The following EPB41L4B variants were observed in gnomAD, a reference collection of about 807,000 sequenced individuals.
The protein encoded by EPB41L4B is band 4.1-like protein 4B.
A neutral mutation model predicts 112.5 loss-of-function variants in EPB41L4B; 30 were observed. The observed-to-expected ratio is 0.27, with a 90% CI of 0.20 to 0.36. The LOEUF is 0.36. Among genes scored for constraint, EPB41L4B ranks in the 10% least tolerant of loss-of-function variants. The probability of loss-of-function intolerance (pLI) is 1.00; values close to 1 mark genes in which losing one functional copy is unlikely to be tolerated. For synonymous variants in EPB41L4B, 408 were observed against 439.7 expected, an observed-to-expected ratio of 0.93 and a Z score of 0.90; for missense variants, 1,024 against 1,133.3, an observed-to-expected ratio of 0.90 and a Z score of 1.38.
chr9:109,280,502 C>T (rs1026921154), intron 1 of EPB41L4B, among the ~76,000 whole-genome samples: 2 of 152,166 alleles, frequency 1.3e-5, no homozygotes, highest in African/African-American at 2.4e-5. Context: ...AGAAAGCAGT[C>T]GGAGAAACAA....
chr9:109,246,213 C>A (rs937484256), intron 14 of EPB41L4B, among the ~76,000 whole-genome samples: 1 of 151,888 alleles, frequency 6.6e-6, no homozygotes, highest in Non-Finnish European at 1.5e-5. Flanking sequence ...ACCAGCGTGG[C>A]CAACATGGTG....
At chr9:109,301,673 C>A (rs1426522714) in intron 1 of EPB41L4B, among the ~76,000 whole-genome samples, 2 of 152,220 alleles carry the variant, frequency 1.3e-5, no homozygotes, top group Non-Finnish European at 2.9e-5. Context: ...AAAAAGCCTT[C>A]AATATGCAGT....
chr9:109,195,188 C>T (rs928194957), intron 20 of EPB41L4B, among the ~76,000 whole-genome samples: 1 of 152,142 alleles, frequency 6.6e-6, no homozygotes, highest in Non-Finnish European at 1.5e-5. Context: ...CCATGTAGAG[C>T]TTCTGGAGCC....
At chr9:109,270,636 A>T (rs1043965875) in intron 2 of EPB41L4B, among the ~76,000 whole-genome samples, 2 of 152,226 alleles carry the variant, frequency 1.3e-5, no homozygotes, top group African/African-American at 4.8e-5. Flanking sequence ...TTCACCATTC[A>T]TCCCCTAGTC....
chr9:109,176,545 A>AC lies in EPB41L4B; in HGVS notation c.2633+5dup, dbSNP rs1831844876. ...TTACCTGTCGGAACCTGCTGACCTG[A>AC]CCTACCTGGCTGCCAGAGAAACAGG... On this transcript the variant is annotated splice_donor_region_variant and intron_variant, in intron 25 of 25. Coordinates refer to ENST00000374566, the MANE Select transcript of EPB41L4B (RefSeq NM_019114.5). 1 of 1,604,912 alleles carries AC rather than the reference A, an allele frequency of 6.2e-7. No homozygotes were observed. The highest frequency in any genetic ancestry group is 1.3e-5 in the African/African-American group (1 of 74,560).
chr9:109,222,266 C>T (rs778748505), intron 15 of EPB41L4B, among the ~76,000 whole-genome samples: 14 of 152,072 alleles, frequency 9.2e-5, no homozygotes, highest in Non-Finnish European at 1.0e-4. Flanking sequence ...TGCCTGAAGC[C>T]GCCTGAATCT....
At chr9:109,240,667 C>A in intron 15 of EPB41L4B, 2 of 985,408 alleles carry the variant, frequency 2.0e-6, no homozygotes, top group Non-Finnish European at 2.4e-6. Flanking sequence ...AGGGCAACAA[C>A]CATCTCATCC....
intron 24 of EPB41L4B, among the ~76,000 whole-genome samples, chr9:109,181,015 A>AT (rs1286729532): frequency 6.6e-6 from 1 of 152,134 alleles, no homozygotes; most frequent in Non-Finnish European, 1.5e-5. Context: ...ATTTGGCAGA[A>AT]TTTTTTAAAA....
intron 24 of EPB41L4B, among the ~76,000 whole-genome samples, chr9:109,180,802 G>T (rs1375633044): frequency 6.6e-6 from 1 of 152,156 alleles, no homozygotes; most frequent in East Asian, 1.9e-4. Flanking sequence ...CATAGAAATT[G>T]CAAGCTCTGG....
chr9:109,318,664 T>C (rs1331815131), intron 1 of EPB41L4B, among the ~76,000 whole-genome samples: 1 of 152,022 alleles, frequency 6.6e-6, no homozygotes, highest in African/African-American at 2.4e-5. Context: ...TCAGGCCTCC[T>C]CTCCCAGCTG....
chr9:109,220,569 G>A (rs1419963567), intron 15 of EPB41L4B, among the ~76,000 whole-genome samples: 1 of 152,204 alleles, frequency 6.6e-6, no homozygotes, highest in Non-Finnish European at 1.5e-5. Context: ...AGGGCTTGCA[G>A]ACCTGTCACT....
rs1337278185 is a variant in EPB41L4B at position 109,176,310 on chromosome 9, G to A, written c.2633+241C>T. Among the ~76,000 whole-genome samples the A allele has an allele frequency of 5.3e-5, 8 of 151,994 alleles. No individual in the cohort carries two copies. The South Asian group carries it at 1.7e-3, about 32-fold the overall frequency. ...GCCTGGCTAATTTTAGTAGAGATGG[G>A]GTTTCACCATGTTAGCCAGGCTGGT... On this transcript the variant is annotated intron_variant, in intron 25 of 25. Coordinates refer to ENST00000374566, the MANE Select transcript of EPB41L4B (RefSeq NM_019114.5).
intron 1 of EPB41L4B, among the ~76,000 whole-genome samples, chr9:109,291,843 C>T (rs1836545749): frequency 6.6e-6 from 1 of 152,176 alleles, no homozygotes; most frequent in African/African-American, 2.4e-5. Context: ...AACTGTTCCA[C>T]CACAGAACCA....
At chr9:109,274,561 C>T (rs893537995) in intron 2 of EPB41L4B, among the ~76,000 whole-genome samples, 1 of 152,336 alleles carries the variant, frequency 6.6e-6, no homozygotes. Context: ...CAACATCCAG[C>T]TCATCTGTGC....
chr9:109,193,287 G>A (rs1270132169), intron 21 of EPB41L4B, among the ~76,000 whole-genome samples: 3 of 152,212 alleles, frequency 2.0e-5, no homozygotes, highest in Admixed American at 6.5e-5. Flanking sequence ...GGTAATGCAG[G>A]AGGTGGCCCT....
chr9:109,180,579 C>T (rs900374555), intron 24 of EPB41L4B, among the ~76,000 whole-genome samples: 12 of 152,246 alleles, frequency 7.9e-5, no homozygotes, highest in Middle Eastern at 3.4e-3. Context: ...TTTTTCCCTC[C>T]GCCTGCCCTG....
chr9:109,212,307 C>T lies in EPB41L4B; in HGVS notation c.1752+1393G>A, dbSNP rs185912760. Among the ~76,000 whole-genome samples, 117 of 152,140 alleles carry T rather than the reference C, an allele frequency of 7.7e-4. No homozygotes were observed. In the East Asian group the frequency reaches 0.018, roughly 24 times the overall value. ...TGCAGAAGAAAAGTTGAAAACCAGG[C>T]GACTAAGAAAAAGAAGACCAATCAG... On this transcript the variant is annotated intron_variant, in intron 17 of 25. Transcript: ENST00000374566.
At chr9:109,265,219 G>A (rs538168715) in intron 4 of EPB41L4B, among the ~76,000 whole-genome samples, 195 bp from the exon 5 acceptor site, 12 of 152,304 alleles carry the variant, frequency 7.9e-5, no homozygotes, top group African/African-American at 2.9e-4. Flanking sequence ...AACCACGCTA[G>A]GAAGGTGAGT....
chr9:109,221,784 T>C (rs1650602962), intron 15 of EPB41L4B, among the ~76,000 whole-genome samples: 1 of 152,148 alleles, frequency 6.6e-6, no homozygotes, highest in African/African-American at 2.4e-5. Context: ...AAGGGAAAGA[T>C]GTCTTGTAGC....
Sources: gnomAD v4.1 joint callset for allele counts (sites outside exome capture counted in the v4.1 genomes callset) on GRCh38, gnomAD v4.1.1 for gene constraint, MANE v1.5 for transcripts, NCBI Gene and HGNC (gene_info 2026-07-23, HGNC 2026-07-21) for gene names.